Variants in VAC14 observed in about 807,000 individuals in gnomAD.
The protein encoded by VAC14 is VAC14 component of PIKFYVE complex, also known as protein VAC14 homolog.
In VAC14, 47 loss-of-function variants were observed where a neutral mutation model predicts 85.3. That is an observed-to-expected ratio of 0.55 (90% CI 0.44 to 0.70). VAC14 has a LOEUF of 0.70. VAC14 is among the 30% of genes least tolerant of loss of function. VAC14 has a pLI of 0.00. For missense variants in VAC14, 861 were observed against 1,004.3 expected, an observed-to-expected ratio of 0.86 and a Z score of 1.93; for synonymous variants, 447 against 430.5, an observed-to-expected ratio of 1.04 and a Z score of -0.47.
intron 13 of VAC14, 126 bp from the exon 14 acceptor site, chr16:70,731,753 G>A: frequency 9.5e-7 from 1 of 1,050,822 alleles, no homozygotes; most frequent in Non-Finnish European, 1.3e-6. Context: ...ATAACAAGAT[G>A]AGGGAAAATC....
At chr16:70,715,106 G>C (rs2054133690) in intron 14 of VAC14, 1 of 152,266 alleles carries the variant, frequency 6.6e-6, no homozygotes, top group Non-Finnish European at 1.5e-5. Context: ...TACCTCAGAG[G>C]TAAGGCCACC....
intron 10 of VAC14, among the ~76,000 whole-genome samples, chr16:70,766,025 C>A (rs571317907): frequency 6.6e-6 from 1 of 151,738 alleles, no homozygotes; most frequent in African/African-American, 2.4e-5. Flanking sequence ...CCCAGCCACT[C>A]GGGAGGCTGA....
intron 13 of VAC14, among the ~76,000 whole-genome samples, chr16:70,737,656 G>A (rs899679005): frequency 5.3e-5 from 8 of 152,180 alleles, no homozygotes; most frequent in Admixed American, 1.3e-4. Flanking sequence ...CGGGGTGGGC[G>A]GCCGGGGAGC....
chr16:70,703,136 G>C (rs1478622976), intron 14 of VAC14, among the ~76,000 whole-genome samples: 4 of 152,366 alleles, frequency 2.6e-5, no homozygotes, highest in African/African-American at 9.6e-5. Flanking sequence ...TTGCAGGGCT[G>C]CTGCATCATC....
chr16:70,767,494 C>T (rs2032909035), intron 10 of VAC14, among the ~76,000 whole-genome samples: 1 of 152,214 alleles, frequency 6.6e-6, no homozygotes, highest in African/African-American at 2.4e-5. Flanking sequence ...CAGCTAGCTA[C>T]ACCAGGAGAG....
At chr16:70,800,040 T>C (rs1161406612) in intron 1 of VAC14, among the ~76,000 whole-genome samples, 3 of 152,238 alleles carry the variant, frequency 2.0e-5, no homozygotes, top group African/African-American at 4.8e-5. Context: ...AGCCTGCTTC[T>C]TTCCAATTTT....
At chr16:70,688,125 G>T (rs2053533352) in intron 18 of VAC14, 35 bp from the exon 19 acceptor site, 1 of 1,503,102 alleles carries the variant, frequency 6.7e-7, no homozygotes, top group Non-Finnish European at 9.0e-7. Flanking sequence ...CAGTGTCAGG[G>T]ATCAGCTCAC....
In VAC14 at chr16:70,737,489, A is replaced by G. The variant is rs145306234; in HGVS notation, c.1529-5862T>C. Among the ~76,000 whole-genome samples the G allele has an allele frequency of 1.6e-3, 240 of 152,250 alleles. 1 individual carries two copies. The highest frequency in any genetic ancestry group is 2.8e-3 in the Non-Finnish European group (189 of 68,008). Reference sequence around the variant, plus strand: ...ATTCCCCAATCCTGCAGAGGGCAGGAGCATGAGGGAGAGTGCCATCCCTCA... The same window carrying G: ...ATTCCCCAATCCTGCAGAGGGCAGGGGCATGAGGGAGAGTGCCATCCCTCA... On this transcript the variant is annotated intron_variant, in intron 13 of 18. Coordinates refer to ENST00000261776, the MANE Select transcript of VAC14 (RefSeq NM_018052.5).
chr16:70,727,914 C>A (rs1394401916), intron 14 of VAC14, among the ~76,000 whole-genome samples: 2 of 152,210 alleles, frequency 1.3e-5, no homozygotes, highest in Non-Finnish European at 2.9e-5. Flanking sequence ...GTTCCCGAAC[C>A]AGCTGGGCCA....
intron 14 of VAC14, among the ~76,000 whole-genome samples, chr16:70,709,577 T>G (rs1315893486): frequency 1.3e-5 from 2 of 152,186 alleles, no homozygotes; most frequent in Non-Finnish European, 2.9e-5. Context: ...CAATGGTTTG[T>G]CTCCAAGGGT....
chr16:70,770,659 C>G (rs1457132097), intron 10 of VAC14: 1 of 152,244 alleles, frequency 6.6e-6, no homozygotes, highest in African/African-American at 2.4e-5. Context: ...CCAGTAACTT[C>G]CTGGCTACTT....
chr16:70,784,164 T>C lies in VAC14; in HGVS notation c.543A>G (p.Arg181=). 1 of 1,614,166 alleles carries C rather than the reference T, an allele frequency of 6.2e-7. No homozygotes were observed. Among genetic ancestry groups the C allele is most frequent in the South Asian group, 1.1e-5 (1 of 91,076 alleles). ...ACTGGTTGTTGGAGTAAATCCTCTC[T>C]CGCAACAAGGGGATGAAGCTCACCA... The part of the protein sequence containing the change: ...FDLVSFIPLL[R]ERIYSNNQYA... The change falls in exon 5 of 19, where the codon CGA becomes CGG. Residue 181 remains arginine (R), a synonymous_variant. Coordinates refer to ENST00000261776, the MANE Select transcript of VAC14 (RefSeq NM_018052.5).
At chr16:70,787,996 C>T (rs1392013513) in intron 1 of VAC14, among the ~76,000 whole-genome samples, 1 of 152,250 alleles carries the variant, frequency 6.6e-6, no homozygotes, top group African/African-American at 2.4e-5. Context: ...CTAGAGACCT[C>T]AGACTTTAAA....
chr16:70,784,314 G>A, intron 4 of VAC14, 94 bp from the exon 5 acceptor site: 2 of 992,750 alleles, frequency 2.0e-6, no homozygotes, highest in South Asian at 2.8e-5. Context: ...CCAGCGCTCA[G>A]GCGGCCACCA....
chr16:70,714,676 C>A (rs544317107), intron 14 of VAC14: 9 of 152,380 alleles, frequency 5.9e-5, no homozygotes, highest in South Asian at 4.1e-4. Flanking sequence ...AAGTCCATGG[C>A]AGGGATGTCT....
intron 14 of VAC14, among the ~76,000 whole-genome samples, chr16:70,701,299 G>A (rs577435310): frequency 6.6e-6 from 1 of 152,260 alleles, no homozygotes; most frequent in East Asian, 1.9e-4. Flanking sequence ...CCTGGTGGAA[G>A]GCCCTGCCTG....
chr16:70,697,781 A>G (rs140499053), intron 15 of VAC14, among the ~76,000 whole-genome samples: 8 of 152,360 alleles, frequency 5.3e-5, no homozygotes, highest in African/African-American at 1.9e-4. Flanking sequence ...AATGTCTGGA[A>G]GGAACCACAG....
chr16:70,755,403 G>C (rs1176259218), intron 12 of VAC14, among the ~76,000 whole-genome samples: 2 of 152,248 alleles, frequency 1.3e-5, no homozygotes, highest in South Asian at 2.1e-4. Flanking sequence ...CCTGGGCCTG[G>C]ATAAGGCAGT....
chr16:70,720,834 C>A (rs2054272094), intron 14 of VAC14, among the ~76,000 whole-genome samples: 1 of 152,178 alleles, frequency 6.6e-6, no homozygotes, highest in Non-Finnish European at 1.5e-5. Context: ...CGGGGCAGGT[C>A]ACACCCCTTC....
Sources: gnomAD v4.1 joint callset for allele counts (sites outside exome capture counted in the v4.1 genomes callset) on GRCh38, gnomAD v4.1.1 for gene constraint, MANE v1.5 for transcripts, NCBI Gene and HGNC (gene_info 2026-07-23, HGNC 2026-07-21) for gene names.